Variants in PDE1A observed in about 807,000 individuals in gnomAD.
The protein encoded by PDE1A is dual specificity calcium/calmodulin-dependent 3',5'-cyclic nucleotide phosphodiesterase 1A.
Under a neutral mutation model 61.7 loss-of-function variants are expected in PDE1A, and 35 were observed. The ratio of observed to expected loss-of-function variants is 0.57; its 90% CI spans 0.43 to 0.75. The LOEUF is 0.75. PDE1A is among the 30% of genes least tolerant of loss of function. The pLI is 0.00. For missense variants in PDE1A, 597 were observed against 630.6 expected (o/e 0.95, Z 0.57); for synonymous variants, 232 against 213.2 (o/e 1.09, Z -0.77).
intron 1 of PDE1A, among the ~76,000 whole-genome samples, chr2:182,409,224 CCTAA>C (rs1372140193): frequency 6.6e-6 from 1 of 152,294 alleles, no homozygotes; most frequent in African/African-American, 2.4e-5. Context: ...CTCAGTGTCT[CCTAA>C]CTCTCACTTC....
At chr2:182,278,130 T>C (rs1574232486) in intron 1 of PDE1A, among the ~76,000 whole-genome samples, 1 of 152,102 alleles carries the variant, frequency 6.6e-6, no homozygotes, top group East Asian at 1.9e-4. Flanking sequence ...TCTTAGTAAG[T>C]CTTGAATTCT....
At chr2:182,486,453 A>T (rs1398382917) in intron 2 of PDE1A, among the ~76,000 whole-genome samples, 1 of 152,056 alleles carries the variant, frequency 6.6e-6, no homozygotes, top group Admixed American at 6.6e-5. Flanking sequence ...TATGCTTCTA[A>T]ACTTGAGAGG....
In PDE1A at chr2:182,305,122, GCTTT is replaced by G. The variant is rs1221604458; in HGVS notation, c.54-40712_54-40709del. 5.3e-5 allele frequency among the ~76,000 whole-genome samples: 8 copies of G among 151,822 alleles called. 1 individual carries two copies. Among genetic ancestry groups the G allele is most frequent in the African/African-American group, 1.9e-4 (8 of 41,396 alleles). On this transcript the variant is annotated intron_variant, in intron 1 of 13. Coordinates refer to ENST00000351439, the Ensembl canonical transcript of PDE1A. ...ACACTTGCCTAATAACACATTATTG[GCTTT>G]CTTCCTTCCTTGTCTCTCTTCTCCA...
intron 1 of PDE1A, among the ~76,000 whole-genome samples, chr2:182,350,169 CG>C (rs1190484808): frequency 1.3e-5 from 2 of 152,014 alleles, no homozygotes; most frequent in Non-Finnish European, 2.9e-5. Context: ...GAAATTACAC[CG>C]TGTGTACTCT....
the PDE1A span, among the ~76,000 whole-genome samples, chr2:182,555,582 T>G: frequency 6.6e-6 from 1 of 152,212 alleles, no homozygotes; most frequent in African/African-American, 2.4e-5. Flanking sequence ...AATTTTACAC[T>G]GAGAAAATTT....
At chr2:182,310,211 T>A (rs183537905) in intron 1 of PDE1A, among the ~76,000 whole-genome samples, 222 of 152,306 alleles carry the variant, frequency 1.5e-3, no homozygotes, top group African/African-American at 5.1e-3. Context: ...TACCATTATA[T>A]GCTTAGCTAT....
At chr2:182,185,992 T>G (rs150434840) in exon 13 of PDE1A, 9 of 1,614,082 alleles carry the variant, frequency 5.6e-6, no homozygotes, top group Non-Finnish European at 7.6e-6. Context: ...GGGAGTAGTC[T>G]GGGGAATAGG....
At chr2:182,529,999 C>A in the PDE1A span, among the ~76,000 whole-genome samples, 1 of 152,250 alleles carries the variant, frequency 6.6e-6, no homozygotes, top group Admixed American at 6.5e-5. Flanking sequence ...AGATTGAATA[C>A]AGAAGCAGAA....
chr2:182,247,921 G>A (rs531034337), intron 2 of PDE1A, among the ~76,000 whole-genome samples: 1 of 152,228 alleles, frequency 6.6e-6, no homozygotes, highest in African/African-American at 2.4e-5. Context: ...TTATTCTAAT[G>A]TTAAAGGGCA....
chr2:182,450,252 G>C (rs1440147559), intron 2 of PDE1A, among the ~76,000 whole-genome samples: 1 of 151,992 alleles, frequency 6.6e-6, no homozygotes, highest in Non-Finnish European at 1.5e-5. Flanking sequence ...ATTTTCAAAA[G>C]GCTGTGACAC....
intron 10 of PDE1A, among the ~76,000 whole-genome samples, chr2:182,199,818 A>C (rs1686463404): frequency 6.6e-6 from 1 of 152,174 alleles, no homozygotes; most frequent in Non-Finnish European, 1.5e-5. Flanking sequence ...TTTCTCTAGG[A>C]ATATAAATTG....
intron 2 of PDE1A, among the ~76,000 whole-genome samples, chr2:182,494,301 A>AG (rs1688576973): frequency 7.5e-6 from 1 of 133,730 alleles, no homozygotes; most frequent in South Asian, 2.5e-4. Context: ...GATTCTACAA[A>AG]AAAAAAAGAA....
At chr2:182,437,846 G>A (rs1321436447) in intron 2 of PDE1A, among the ~76,000 whole-genome samples, 1 of 151,704 alleles carries the variant, frequency 6.6e-6, no homozygotes, top group African/African-American at 2.4e-5. Flanking sequence ...CTTTTCCAGT[G>A]ATAAGCATCA....
At chr2:182,468,658 A>G (rs1317356536) in intron 2 of PDE1A, among the ~76,000 whole-genome samples, 1 of 151,988 alleles carries the variant, frequency 6.6e-6, no homozygotes, top group African/African-American at 2.4e-5. Flanking sequence ...TGGAATAGCA[A>G]ATCCTATCCA....
At chr2:182,708,728 A>C in the PDE1A span, among the ~76,000 whole-genome samples, 3 of 152,154 alleles carry the variant, frequency 2.0e-5, no homozygotes, top group African/African-American at 7.2e-5. Flanking sequence ...GGGGACACAG[A>C]GCCAAACCAT....
chr2:182,698,516 G>C, the PDE1A span, among the ~76,000 whole-genome samples: 65 of 152,136 alleles, frequency 4.3e-4, no homozygotes, highest in African/African-American at 1.5e-3. Context: ...ATATACTATA[G>C]CATTATTAAA....
chr2:182,691,960 A>C, the PDE1A span, among the ~76,000 whole-genome samples: 1 of 152,232 alleles, frequency 6.6e-6, no homozygotes, highest in Non-Finnish European at 1.5e-5. Context: ...AATGCAAATC[A>C]AAACCACAAT....
At chr2:182,268,041 T>C (rs1000949585) in intron 1 of PDE1A, among the ~76,000 whole-genome samples, 1 of 152,142 alleles carries the variant, frequency 6.6e-6, no homozygotes, top group Non-Finnish European at 1.5e-5. Flanking sequence ...CAAAAATTCT[T>C]TTTAATAATG....
upstream of PDE1A, among the ~76,000 whole-genome samples, chr2:182,527,303 TAAAAAA>T (rs869281717): frequency 3.0e-3 from 69 of 22,810 alleles, no homozygotes; most frequent in African/African-American, 0.012. Flanking sequence ...CCTTTCTCTA[TAAAAAA>T]AAAAAAAAAA....
Sources: gnomAD v4.1 joint callset for allele counts (sites outside exome capture counted in the v4.1 genomes callset) on GRCh38, gnomAD v4.1.1 for gene constraint, MANE v1.5 for transcripts, NCBI Gene and HGNC (gene_info 2026-07-23, HGNC 2026-07-21) for gene names.